The following CNTNAP2 variants were observed in gnomAD, a reference collection of about 807,000 sequenced individuals.
CNTNAP2 encodes contactin associated protein 2.
CNTNAP2 carries 98 observed loss-of-function variants against 155.2 expected under a neutral mutation model. That is an observed-to-expected ratio of 0.63 (90% CI 0.54 to 0.75). CNTNAP2 has a LOEUF of 0.75. CNTNAP2 is among the 30% of genes least tolerant of loss of function. The pLI is 0.00. For missense variants in CNTNAP2, 1,727 were observed against 1,688.1 expected (o/e 1.02, Z -0.40); for synonymous variants, 651 against 631.2 (o/e 1.03, Z -0.47).
intron 15 of CNTNAP2, among the ~76,000 whole-genome samples, chr7:148,109,884 T>G (rs1375509634): frequency 6.6e-6 from 1 of 152,216 alleles, no homozygotes; most frequent in East Asian, 1.9e-4. Flanking sequence ...GTAAATTTAC[T>G]TAATCTAAAT....
chr7:148,321,673 T>G (rs937255745), intron 21 of CNTNAP2, among the ~76,000 whole-genome samples: 3 of 152,196 alleles, frequency 2.0e-5, no homozygotes, highest in Non-Finnish European at 4.4e-5. Flanking sequence ...GTAGGAGGGA[T>G]TCATGTATTT....
chr7:146,656,694 T>G (rs1022838461), intron 1 of CNTNAP2, among the ~76,000 whole-genome samples: 1 of 152,222 alleles, frequency 6.6e-6, no homozygotes, highest in Non-Finnish European at 1.5e-5. Context: ...AGATCTCTTC[T>G]GTGAATTGAT....
chr7:148,216,386 C>A (rs945564862), intron 18 of CNTNAP2, among the ~76,000 whole-genome samples: 10 of 152,204 alleles, frequency 6.6e-5, no homozygotes, highest in African/African-American at 1.9e-4. Context: ...GGTCACACAG[C>A]TATTTAGTGG....
intron 1 of CNTNAP2, among the ~76,000 whole-genome samples, chr7:146,154,259 T>G (rs1158998305): frequency 6.6e-6 from 1 of 152,182 alleles, no homozygotes; most frequent in Non-Finnish European, 1.5e-5. Flanking sequence ...TATATGTGGC[T>G]CAAAAGGGTT....
intron 9 of CNTNAP2, among the ~76,000 whole-genome samples, chr7:147,326,292 A>G (rs1292433187): frequency 6.6e-6 from 1 of 152,162 alleles, no homozygotes; most frequent in East Asian, 1.9e-4. Flanking sequence ...GGAAACATAT[A>G]ATGTTTGTTC....
intron 1 of CNTNAP2, among the ~76,000 whole-genome samples, chr7:146,300,302 A>G (rs1223079909): frequency 6.6e-6 from 1 of 152,200 alleles, no homozygotes; most frequent in East Asian, 1.9e-4. Flanking sequence ...TAGTATAAAA[A>G]GATCTAAGGA....
intron 14 of CNTNAP2, among the ~76,000 whole-genome samples, chr7:147,928,103 G>C (rs1800430687): frequency 1.3e-5 from 2 of 152,018 alleles, no homozygotes; most frequent in Non-Finnish European, 2.9e-5. Context: ...CTTTTGCTTG[G>C]CTCTCATTCT....
chr7:146,461,169 C>T (rs998169212), intron 1 of CNTNAP2, among the ~76,000 whole-genome samples: 8 of 151,700 alleles, frequency 5.3e-5, no homozygotes, highest in African/African-American at 1.7e-4. Flanking sequence ...TATGGGAGGC[C>T]GAGGTGGGTG....
At chr7:146,167,520 T>C (rs1798329444) in intron 1 of CNTNAP2, among the ~76,000 whole-genome samples, 1 of 152,180 alleles carries the variant, frequency 6.6e-6, no homozygotes. Context: ...GAAGAGGACA[T>C]AAACTCAAAA....
At chr7:147,144,402 C>G (rs1563092366) in intron 8 of CNTNAP2, among the ~76,000 whole-genome samples, 1 of 152,172 alleles carries the variant, frequency 6.6e-6, no homozygotes, top group Non-Finnish European at 1.5e-5. Context: ...ACACTTCCAG[C>G]ACACTTTGTT....
chr7:146,151,680 A>G (rs1294215097), intron 1 of CNTNAP2, among the ~76,000 whole-genome samples: 632 of 35,488 alleles, frequency 0.018, 16 homozygotes, highest in Middle Eastern at 0.052. Context: ...ATATATATAT[A>G]TGTATATATA....
chr7:146,987,508 T>TA (rs557395425), intron 3 of CNTNAP2, among the ~76,000 whole-genome samples: 215 of 152,234 alleles, frequency 1.4e-3, no homozygotes, highest in African/African-American at 4.7e-3. Flanking sequence ...ATCATGTTAA[T>TA]AAAGATTTGG....
rs575506677 is a variant in CNTNAP2, at chr7:147,457,598, G to A, written c.1671-28337G>A. On this transcript the variant is annotated intron_variant, in intron 10 of 23. Coordinates refer to ENST00000361727, the MANE Select transcript of CNTNAP2 (RefSeq NM_014141.6). ...TTTTTCTTATATTCCCTTCGCTGTT[G>A]CATTCTGAGAGCCTGAAACTGTTAT... Among the ~76,000 whole-genome samples the A allele has an allele frequency of 4.0e-5, 6 of 150,736 alleles. No individual in the cohort carries two copies. In the South Asian group the frequency reaches 1.3e-3, roughly 32 times the overall value.
chr7:147,981,786 G>GGTGTGTGTGTGTGTGTGTGTGTGTGTGT (rs57272792), intron 15 of CNTNAP2, among the ~76,000 whole-genome samples: 12 of 143,778 alleles, frequency 8.3e-5, no homozygotes, highest in East Asian at 4.0e-4. Flanking sequence ...TGTCCTTACA[G>GGTGTGTGTGTGTGTGTGTGTGTGTGTGT]GTGTGTGTGT....
chr7:146,961,856 A>T (rs117119115), intron 3 of CNTNAP2, among the ~76,000 whole-genome samples: 76 of 152,256 alleles, frequency 5.0e-4, no homozygotes, highest in Non-Finnish European at 8.1e-4. Context: ...AATGAGCTAA[A>T]TTTGACTCCT....
intron 13 of CNTNAP2, among the ~76,000 whole-genome samples, chr7:147,699,949 A>G (rs143464450): frequency 0.016 from 2,513 of 152,314 alleles, 224 homozygotes; most frequent in Admixed American, 0.15. Flanking sequence ...GGCTTTTTAT[A>G]TCTGGCTTCT....
chr7:147,486,693 G>A (rs1340019689), intron 11 of CNTNAP2, among the ~76,000 whole-genome samples: 1 of 151,982 alleles, frequency 6.6e-6, no homozygotes, highest in African/African-American at 2.4e-5. Context: ...ATTCCAAAAG[G>A]TTAAATAAAA....
intron 2 of CNTNAP2, among the ~76,000 whole-genome samples, chr7:146,797,295 G>A (rs1802788651): frequency 6.6e-6 from 1 of 152,192 alleles, no homozygotes; most frequent in Non-Finnish European, 1.5e-5. Flanking sequence ...TGTGTGCAAA[G>A]CATTGAATTA....
chr7:147,314,892 G>C (rs1174310364), intron 9 of CNTNAP2, among the ~76,000 whole-genome samples: 6 of 151,082 alleles, frequency 4.0e-5, no homozygotes. Flanking sequence ...TTGGGCTTTA[G>C]GGTGGAAATG....
Sources: allele counts gnomAD v4.1 joint callset (sites outside exome capture counted in the v4.1 genomes callset), GRCh38; gene constraint gnomAD v4.1.1; transcripts MANE v1.5; gene names NCBI Gene and HGNC (gene_info 2026-07-23, HGNC 2026-07-21).